Variants in IPO7 observed in about 807,000 individuals in gnomAD.
The protein encoded by IPO7 is importin-7.
IPO7 carries 13 observed loss-of-function variants against 136.4 expected under a neutral mutation model. The ratio of observed to expected loss-of-function variants is 0.10; its 90% CI spans 0.06 to 0.15. IPO7 has a LOEUF of 0.15. IPO7 is among the 10% of genes least tolerant of loss of function. IPO7 has a pLI of 1.00. For missense variants in IPO7, 857 were observed against 1,240.6 expected (o/e 0.69, Z 4.65); for synonymous variants, 403 against 404.4 (o/e 1.00, Z 0.04).
At chr11:9,413,489 TTATTTATAATTTATACAAA>T (rs1193474500) in intron 4 of IPO7, among the ~76,000 whole-genome samples, 68 of 152,002 alleles carry the variant, frequency 4.5e-4, no homozygotes, top group African/African-American at 1.6e-3. Flanking sequence ...TCCTAATTTA[TTATTTATAATTTATACAAA>T]TATTTATAAT....
At chr11:9,428,947 A>C in intron 13 of IPO7, 84 bp from the exon 14 acceptor site, 3 of 1,252,574 alleles carry the variant, frequency 2.4e-6, no homozygotes, top group Non-Finnish European at 3.5e-6. Context: ...CCAAATTCCC[A>C]CACACAGAAC....
At chr11:9,408,709 T>TTG (rs1854924525) in intron 3 of IPO7, 70 bp downstream of exon 3, 7 of 888,388 alleles carry the variant, frequency 7.9e-6, no homozygotes, top group Non-Finnish European at 1.5e-6. Flanking sequence ...TTTTGGTTTT[T>TTG]TTTTTTTTTT....
At chr11:9,401,235 CAT>C (rs796125564) in intron 1 of IPO7, among the ~76,000 whole-genome samples, 4 of 150,252 alleles carry the variant, frequency 2.7e-5, no homozygotes, top group African/African-American at 9.7e-5. Flanking sequence ...TTCATGTGAA[CAT>C]GTGTAGAAAA....
intron 8 of IPO7, among the ~76,000 whole-genome samples, chr11:9,421,254 C>G (rs1590441773): frequency 6.7e-6 from 1 of 149,760 alleles, no homozygotes; most frequent in East Asian, 2.0e-4. Context: ...AACCCCCACC[C>G]CCGGCCCAGA....
At chr11:9,416,047 C>G (rs889485065) in intron 5 of IPO7, among the ~76,000 whole-genome samples, 3 of 152,086 alleles carry the variant, frequency 2.0e-5, no homozygotes, top group Non-Finnish European at 4.4e-5. Context: ...AAATCAGAGC[C>G]AGGCACAGTG....
At chr11:9,440,057 T>C (rs1039569627) in intron 22 of IPO7, among the ~76,000 whole-genome samples, 1 of 152,216 alleles carries the variant, frequency 6.6e-6, no homozygotes, top group Non-Finnish European at 1.5e-5. Context: ...ACACTATCAG[T>C]GTATAAATTG....
intron 2 of IPO7, among the ~76,000 whole-genome samples, chr11:9,406,846 T>G (rs1564994806): frequency 6.6e-6 from 1 of 152,020 alleles, no homozygotes; most frequent in Non-Finnish European, 1.5e-5. Context: ...TGTACTCCAG[T>G]CTGGGAAACA....
At position 9,402,399 on chromosome 11, in the gene IPO7, CAAAAAAAAAAA is replaced by C. The variant is rs71062846; in HGVS notation, c.85-873_85-863del. On this transcript the variant is annotated intron_variant, in intron 1 of 24. Transcript: ENST00000379719. ...CAGGCGACAGAGCGAGACTGTGTCT[CAAAAAAAAAAA>C]AAAAAAAAAAAAAAAAAGAATGCTA... Among the ~76,000 whole-genome samples the C allele has an allele frequency of 4.7e-4, 21 of 44,898 alleles. No individual in the cohort carries two copies. In the East Asian group the frequency reaches 0.013, roughly 28 times the overall value. The allele number at this position is 44,898 out of a possible 152,430, so 29.5% of individuals were successfully genotyped here.
chr11:9,422,909 C>A, intron 8 of IPO7, 97 bp from the exon 9 acceptor site: 1 of 620,796 alleles, frequency 1.6e-6, no homozygotes. Flanking sequence ...TGATGATGAG[C>A]TTGTCATTAA....
chr11:9,434,502 A>G (rs565672582), intron 18 of IPO7, among the ~76,000 whole-genome samples: 3 of 152,334 alleles, frequency 2.0e-5, no homozygotes, highest in Admixed American at 6.5e-5. Context: ...ATATGTTTTA[A>G]TTAAAACTAA....
chr11:9,440,038 TAA>T (rs1312318103), intron 22 of IPO7, among the ~76,000 whole-genome samples: 2 of 152,214 alleles, frequency 1.3e-5, no homozygotes, highest in South Asian at 2.1e-4. Flanking sequence ...ATTTTATCTA[TAA>T]GACTGTACAC....
chr11:9,396,987 G>A (rs1854717745), intron 1 of IPO7, among the ~76,000 whole-genome samples: 1 of 151,762 alleles, frequency 6.6e-6, no homozygotes, highest in South Asian at 2.1e-4. Context: ...AAGTTTCCGT[G>A]ATACTCTTCC....
Position 9,420,470 on chromosome 11 carries a change from G to A in IPO7, c.786G>A (p.Lys262=), listed in dbSNP as rs1213318441. 18 of 1,612,192 alleles carry A rather than the reference G, an allele frequency of 1.1e-5. No homozygotes were observed. The highest frequency in any genetic ancestry group is 2.7e-5 in the African/African-American group (2 of 74,864). The stretch of plus-strand genomic sequence containing the variant: ...AGTTACCATGGTGGAAATGCAAGAA[G>A]TGGGCCTTACATATTTTAGCAAGAC... The part of the protein sequence containing the change: ...RPELPWWKCK[K]WALHILARLF... The change falls in exon 7 of 25, where the codon AAG becomes AAA. Residue 262 remains lysine, a synonymous_variant. Transcript: ENST00000379719.
intron 3 of IPO7, among the ~76,000 whole-genome samples, chr11:9,408,870 C>G (rs977047242): frequency 6.6e-6 from 1 of 151,258 alleles, no homozygotes; most frequent in Non-Finnish European, 1.5e-5. Flanking sequence ...CATGGCACCA[C>G]GCCCAGCTAA....
At chr11:9,443,918 C>G (rs145203366) in intron 24 of IPO7, among the ~76,000 whole-genome samples, 1 of 150,840 alleles carries the variant, frequency 6.6e-6, no homozygotes. Flanking sequence ...TAAAAACTTA[C>G]GAAGTTAAAT....
intron 14 of IPO7, 116 bp downstream of exon 14, chr11:9,429,312 C>G (rs1000766563): frequency 3.5e-6 from 3 of 851,816 alleles, no homozygotes; most frequent in Admixed American, 4.9e-5. Context: ...GCCAGGTGTT[C>G]AAGACCAGCC....
At chr11:9,426,141 A>T (rs921149710) in intron 12 of IPO7, among the ~76,000 whole-genome samples, 1 of 152,206 alleles carries the variant, frequency 6.6e-6, no homozygotes, top group Non-Finnish European at 1.5e-5. Flanking sequence ...TATCACCCCC[A>T]GAAGGAACTC....
intron 2 of IPO7, among the ~76,000 whole-genome samples, chr11:9,407,464 A>C (rs1854903642): frequency 6.6e-6 from 1 of 152,132 alleles, no homozygotes; most frequent in Non-Finnish European, 1.5e-5. Context: ...TGAGGCAAGG[A>C]GAATCGCTTG....
chr11:9,393,126 A>G (rs1256630294), intron 1 of IPO7, among the ~76,000 whole-genome samples: 4 of 152,154 alleles, frequency 2.6e-5, no homozygotes, highest in Admixed American at 6.6e-5. Flanking sequence ...CTAGCAGGCA[A>G]TTGGAATGTG....
Sources: gnomAD v4.1 joint callset for allele counts (sites outside exome capture counted in the v4.1 genomes callset) on GRCh38, gnomAD v4.1.1 for gene constraint, MANE v1.5 for transcripts, NCBI Gene and HGNC (gene_info 2026-07-23, HGNC 2026-07-21) for gene names.